Variants in MSN observed in about 807,000 individuals in gnomAD.
The protein encoded by MSN is moesin, also known as epididymis luminal protein 70.
Under a neutral mutation model 48.0 loss-of-function variants are expected in MSN, and 2 were observed. The ratio of observed to expected loss-of-function variants is 0.04; its 90% CI spans 0.02 to 0.13. The LOEUF (loss-of-function observed/expected upper bound fraction) is 0.13. Among genes scored for constraint, MSN ranks in the 10% least tolerant of loss-of-function variants. The pLI is 1.00. For synonymous variants in MSN, 146 were observed against 166.9 expected, an observed-to-expected ratio of 0.87 and a Z score of 0.97; for missense variants, 267 against 470.1, an observed-to-expected ratio of 0.57 and a Z score of 3.99.
At chrX:65,608,417 T>C (rs913225176) in intron 1 of MSN, among the ~76,000 whole-genome samples, 2 of 110,760 alleles carry the variant, frequency 1.8e-5, no homozygotes, top group African/African-American at 6.6e-5. Context: ...GCAAGGCCCA[T>C]GCAGGAATAT....
intron 1 of MSN, among the ~76,000 whole-genome samples, chrX:65,698,687 G>T (rs1360004232): frequency 8.9e-6 from 1 of 112,094 alleles, no homozygotes; most frequent in Non-Finnish European, 1.9e-5. Flanking sequence ...CTGCCTGTCT[G>T]CCCACCCACC....
intron 1 of MSN, among the ~76,000 whole-genome samples, chrX:65,618,261 T>G (rs2070395817): frequency 9.0e-6 from 1 of 111,370 alleles, no homozygotes; most frequent in African/African-American, 3.3e-5. Flanking sequence ...CTGGGTATCC[T>G]TGCTGACTTT....
chrX:65,633,181 AG>A (rs749153463), intron 1 of MSN, among the ~76,000 whole-genome samples: 2 of 111,377 alleles, frequency 1.8e-5, no homozygotes, highest in Non-Finnish European at 3.8e-5. Flanking sequence ...AAAAGAGTTT[AG>A]ACTTTACCCC....
Position 65,667,780 on chromosome X carries a change from T to A in MSN, c.-62T>A, listed in dbSNP as rs2070888815. 5.8e-6 allele frequency: 7 copies of A among 1,206,438 alleles called. No homozygotes were observed. The highest frequency in any genetic ancestry group is 6.7e-6 in the Non-Finnish European group (6 of 893,062). On this transcript the variant is annotated 5_prime_UTR_variant, in exon 1 of 13. Coordinates refer to ENST00000360270, the MANE Select transcript of MSN (RefSeq NM_002444.3). ...CCGAATCCAAGCCGTGTGTACTGCG[T>A]GCTCAGCACTGCCCGACAGTCCTAG...
intron 1 of MSN, among the ~76,000 whole-genome samples, chrX:65,631,009 T>A (rs1415986187): frequency 9.0e-6 from 1 of 111,362 alleles, no homozygotes; most frequent in Non-Finnish European, 1.9e-5. Flanking sequence ...ATAGTCAAGA[T>A]GCAGAACATT....
chrX:65,604,589 G>A (rs1602711282), intron 1 of MSN, among the ~76,000 whole-genome samples: 1 of 111,411 alleles, frequency 9.0e-6, no homozygotes, highest in Non-Finnish European at 1.9e-5. Flanking sequence ...AACAAGAAGG[G>A]CAGAGAAAGG....
intron 1 of MSN, among the ~76,000 whole-genome samples, chrX:65,716,097 C>T (rs763853992): frequency 7.7e-4 from 86 of 111,619 alleles, no homozygotes; most frequent in Admixed American, 1.6e-3. Context: ...ACCCAGTGCT[C>T]TTTGTCCTGA....
intron 1 of MSN, among the ~76,000 whole-genome samples, chrX:65,711,846 A>G (rs1324811266): frequency 9.0e-6 from 1 of 111,597 alleles, no homozygotes; most frequent in Non-Finnish European, 1.9e-5. Context: ...TCTATCTCCA[A>G]TATCCCTTGT....
intron 1 of MSN, among the ~76,000 whole-genome samples, chrX:65,647,264 T>C (rs2148372741): frequency 9.7e-6 from 1 of 103,427 alleles, no homozygotes; most frequent in East Asian, 3.1e-4. Flanking sequence ...CAGGTTGGAG[T>C]GCAATGGCGT....
At chrX:65,705,934 A>G (rs1325265589) in intron 1 of MSN, among the ~76,000 whole-genome samples, 1 of 111,670 alleles carries the variant, frequency 9.0e-6, no homozygotes, top group Non-Finnish European at 1.9e-5. Context: ...CTACTGGGAA[A>G]AGGCACAGGC....
intron 1 of MSN, among the ~76,000 whole-genome samples, chrX:65,631,942 G>A (rs919302760): frequency 1.8e-5 from 2 of 111,971 alleles, no homozygotes; most frequent in South Asian, 7.4e-4. Context: ...ATCCTAAAAT[G>A]TTGGGATTAC....
At chrX:65,611,768 T>C (rs2070322352) in intron 1 of MSN, among the ~76,000 whole-genome samples, 1 of 110,985 alleles carries the variant, frequency 9.0e-6, no homozygotes, top group Admixed American at 9.7e-5. Flanking sequence ...ATTTGGTTTT[T>C]AATTTTTTGA....
intron 1 of MSN, among the ~76,000 whole-genome samples, chrX:65,713,399 T>C (rs1486233797): frequency 9.0e-6 from 1 of 111,049 alleles, no homozygotes; most frequent in Non-Finnish European, 1.9e-5. Context: ...CAATGAGACA[T>C]AAATATAGGA....
intron 1 of MSN, among the ~76,000 whole-genome samples, chrX:65,660,923 G>A (rs990100949): frequency 1.8e-5 from 2 of 111,504 alleles, no homozygotes; most frequent in African/African-American, 3.3e-5. Context: ...TCAGTATGAC[G>A]TTGGCTGTGG....
At position 65,642,701 on chromosome X, in the gene MSN, T is replaced by C. The variant is rs2070666445; in HGVS notation, c.-22+54089T>C. Among the ~76,000 whole-genome samples the C allele has an allele frequency of 2.7e-5, 3 of 111,756 alleles. No homozygotes were observed. In the South Asian group the frequency reaches 1.1e-3, roughly 42 times the overall value. On this transcript the variant is annotated intron_variant, in intron 1 of 3. Transcript: ENST00000609672. ...CTCTCCTGTGATTGAGTAGGCTGTCTAGCTAGGGACTGGGAGTGAGCTTCT... is the reference window on the plus strand; with the variant it reads ...CTCTCCTGTGATTGAGTAGGCTGTCCAGCTAGGGACTGGGAGTGAGCTTCT...
chrX:65,612,896 A>G (rs2070333632), intron 1 of MSN, among the ~76,000 whole-genome samples: 1 of 102,426 alleles, frequency 9.8e-6, no homozygotes, highest in Non-Finnish European at 2.0e-5. Context: ...TTTTTTTTAT[A>G]TATACTTTAA....
At chrX:65,641,031 C>A (rs1231947789) in intron 1 of MSN, among the ~76,000 whole-genome samples, 1 of 110,448 alleles carries the variant, frequency 9.1e-6, no homozygotes, top group African/African-American at 3.3e-5. Context: ...ATTGCTTGAA[C>A]CCGGGAGGCG....
At chrX:65,733,614 T>C (rs902147106) in intron 7 of MSN, among the ~76,000 whole-genome samples, 2 of 112,412 alleles carry the variant, frequency 1.8e-5, no homozygotes, top group Middle Eastern at 4.2e-3. Context: ...GCATCTCATA[T>C]TTCCAAGCCC....
rs184227646 is a variant in MSN at position 65,599,398 on chromosome X, G to A, written c.-22+10786G>A. ...GCCCATAATCCCAGCACTTTGGGAG[G>A]CTGAGGCGGGCAGATCATGAGGTCA... On this transcript the variant is annotated intron_variant, in intron 1 of 3. Coordinates refer to the MSN transcript ENST00000609672. Among the ~76,000 whole-genome samples the A allele has an allele frequency of 1.4e-3, 162 of 112,881 alleles. 3 individuals are homozygous for A. The East Asian group carries it at 0.044, about 31-fold the overall frequency.
Sources: gnomAD v4.1 joint callset for allele counts (sites outside exome capture counted in the v4.1 genomes callset) on GRCh38, gnomAD v4.1.1 for gene constraint, MANE v1.5 for transcripts, NCBI Gene and HGNC (gene_info 2026-07-23, HGNC 2026-07-21) for gene names.